EYA1: variants seen among roughly 807,000 people sequenced by gnomAD.
The protein encoded by EYA1 is protein phosphatase EYA1.
Under a neutral mutation model 82.0 loss-of-function variants are expected in EYA1, and 16 were observed. The observed-to-expected ratio is 0.20, with a 90% confidence interval of 0.13 to 0.30. The LOEUF is 0.30. Ranked by LOEUF, EYA1 falls within the 10% of genes least tolerant of loss-of-function variation. EYA1 has a pLI of 1.00. For synonymous variants in EYA1, 261 were observed against 264.4 expected (o/e 0.99, Z 0.12); for missense variants, 633 against 730.7 (o/e 0.87, Z 1.54).
chr8:71,216,918 T>G (rs116870972), intron 13 of EYA1, 47 bp downstream of exon 13: 2 of 1,611,648 alleles, frequency 1.2e-6, no homozygotes, highest in East Asian at 2.2e-5. Flanking sequence ...AGGTAAGTAA[T>G]TAAACTATAA....
chr8:71,399,612 A>C (rs1563573459), intron 2 of EYA1, among the ~76,000 whole-genome samples: 1 of 152,216 alleles, frequency 6.6e-6, no homozygotes, highest in Admixed American at 6.5e-5. Context: ...TTCAAGGAGA[A>C]CTACAAACCA....
chr8:71,241,894 G>A (rs886950246), intron 12 of EYA1, among the ~76,000 whole-genome samples: 1 of 151,152 alleles, frequency 6.6e-6, no homozygotes, highest in African/African-American at 2.4e-5. Context: ...CAGGTTTGTT[G>A]AATTTCAAAA....
intron 2 of EYA1, among the ~76,000 whole-genome samples, chr8:71,527,354 C>T (rs1469010110): frequency 6.6e-6 from 1 of 152,152 alleles, no homozygotes; most frequent in East Asian, 1.9e-4. Flanking sequence ...TTCAGTTATC[C>T]TATACAGTAA....
chr8:71,209,286 G>C (rs1424088661), intron 17 of EYA1, among the ~76,000 whole-genome samples: 1 of 152,178 alleles, frequency 6.6e-6, no homozygotes. Flanking sequence ...GGCTGGGAAA[G>C]GTTTTATTTT....
At chr8:71,508,498 C>T (rs900146776) in intron 2 of EYA1, among the ~76,000 whole-genome samples, 9 of 152,104 alleles carry the variant, frequency 5.9e-5, no homozygotes, top group African/African-American at 2.2e-4. Context: ...TGTTTATGTC[C>T]CCACAAAATT....
intron 2 of EYA1, chr8:71,531,010 C>T (rs1814223966): frequency 6.6e-6 from 1 of 152,084 alleles, no homozygotes; most frequent in South Asian, 2.1e-4. Context: ...CTTAGGAGAC[C>T]TAATTCCACC....
intron 2 of EYA1, among the ~76,000 whole-genome samples, chr8:71,431,054 G>C (rs1031893479): frequency 7.9e-5 from 12 of 152,268 alleles, no homozygotes; most frequent in African/African-American, 2.6e-4. Context: ...GACGGCTATA[G>C]ATGTCCTAGA....
chr8:71,268,063 G>A (rs1387324661), intron 11 of EYA1, among the ~76,000 whole-genome samples: 1 of 152,226 alleles, frequency 6.6e-6, no homozygotes, highest in Non-Finnish European at 1.5e-5. Flanking sequence ...TAAGTTCCAT[G>A]TGTAAGCCAA....
intron 2 of EYA1, among the ~76,000 whole-genome samples, chr8:71,472,152 G>T (rs963650961): frequency 1.1e-4 from 17 of 152,108 alleles, no homozygotes; most frequent in African/African-American, 3.9e-4. Context: ...AAACTGTTCT[G>T]TATGCCTGTG....
chr8:71,527,409 C>T (rs756993201), intron 2 of EYA1, among the ~76,000 whole-genome samples: 7 of 152,172 alleles, frequency 4.6e-5, no homozygotes, highest in Non-Finnish European at 8.8e-5. Context: ...AAGAGATCTT[C>T]TCCCAAATTC....
intron 2 of EYA1, among the ~76,000 whole-genome samples, chr8:71,428,647 G>A (rs1232463263): frequency 1.3e-5 from 2 of 152,234 alleles, no homozygotes; most frequent in Non-Finnish European, 1.5e-5. Flanking sequence ...AATAAGAAAC[G>A]CTGTTAAATT....
chr8:71,520,914 C>A (rs1303760104), intron 2 of EYA1, among the ~76,000 whole-genome samples: 3 of 152,064 alleles, frequency 2.0e-5, no homozygotes, highest in Admixed American at 6.5e-5. Context: ...ATTATATTAT[C>A]TTTGTAGTTA....
intron 3 of EYA1, among the ~76,000 whole-genome samples, chr8:71,344,294 AC>A (rs1825476209): frequency 6.6e-6 from 1 of 152,188 alleles, no homozygotes; most frequent in South Asian, 2.1e-4. Flanking sequence ...AAAAGATTGT[AC>A]CAATAAAAAA....
intron 2 of EYA1, among the ~76,000 whole-genome samples, chr8:71,382,458 C>T (rs1360654882): frequency 6.6e-6 from 1 of 151,984 alleles, no homozygotes; most frequent in Non-Finnish European, 1.5e-5. Flanking sequence ...AAAGTATGAA[C>T]ATCACAGGCA....
chr8:71,299,428 T>A (rs1419813729), intron 8 of EYA1, among the ~76,000 whole-genome samples, 195 bp from the exon 9 acceptor site: 1 of 152,220 alleles, frequency 6.6e-6, no homozygotes, highest in African/African-American at 2.4e-5. Context: ...TTCTTCATAT[T>A]TTTGCTTTTC....
chr8:71,545,019 T>C (rs1305274822), intron 1 of EYA1, among the ~76,000 whole-genome samples: 1 of 152,126 alleles, frequency 6.6e-6, no homozygotes, highest in East Asian at 1.9e-4. Flanking sequence ...AAGTCACAGA[T>C]AGAAATGATG....
intron 10 of EYA1, 44 bp downstream of exon 10, chr8:71,271,714 A>C: frequency 6.2e-7 from 1 of 1,613,396 alleles, no homozygotes; most frequent in Non-Finnish European, 8.5e-7. Context: ...CCAGTTAGCT[A>C]TTAAGACACC....
intron 11 of EYA1, among the ~76,000 whole-genome samples, chr8:71,247,820 C>T (rs1217526793): frequency 6.6e-6 from 1 of 152,070 alleles, no homozygotes; most frequent in Non-Finnish European, 1.5e-5. Flanking sequence ...GGTGTTTATT[C>T]CCTCTAGCTC....
At chr8:71,349,187 C>T (rs1394187238) in intron 3 of EYA1, among the ~76,000 whole-genome samples, 2 of 152,204 alleles carry the variant, frequency 1.3e-5, no homozygotes, top group Non-Finnish European at 2.9e-5. Flanking sequence ...GACTCTCACA[C>T]ACTCACGCAC....
Sources: allele counts gnomAD v4.1 joint callset (sites outside exome capture counted in the v4.1 genomes callset), GRCh38; gene constraint gnomAD v4.1.1; transcripts MANE v1.5; gene names NCBI Gene and HGNC (gene_info 2026-07-23, HGNC 2026-07-21).